Variants in DYM observed in about 807,000 individuals in gnomAD.
DYM encodes dyggve-Melchior-Clausen syndrome protein.
Under a neutral mutation model 93.1 loss-of-function variants are expected in DYM, and 78 were observed. The ratio of observed to expected loss-of-function variants is 0.84; its 90% CI spans 0.70 to 1.01. DYM has a LOEUF of 1.01. Among genes scored for constraint, DYM ranks in the 50% least tolerant of loss-of-function variants. DYM has a pLI of 0.00. For synonymous variants in DYM, 321 were observed against 319.7 expected (o/e 1.00, Z -0.04); for missense variants, 789 against 845.0 (o/e 0.93, Z 0.82).
chr18:49,064,744 T>C (rs1306002770), intron 17 of DYM, among the ~76,000 whole-genome samples: 1 of 152,102 alleles, frequency 6.6e-6, no homozygotes, highest in African/African-American at 2.4e-5. Flanking sequence ...AATACGTATA[T>C]ATTTTTCCTT....
chr18:49,080,425 C>G (rs867347800), intron 17 of DYM, among the ~76,000 whole-genome samples: 18 of 104,764 alleles, frequency 1.7e-4, no homozygotes, highest in South Asian at 3.6e-4. Context: ...GTGGCTGGCC[C>G]GGCAGAGGGG....
intron 13 of DYM, among the ~76,000 whole-genome samples, chr18:49,213,742 C>T (rs2092901870): frequency 6.6e-6 from 1 of 152,134 alleles, no homozygotes; most frequent in African/African-American, 2.4e-5. Context: ...CCTTCTTCTT[C>T]CCTCCTCTCC....
At chr18:49,145,887 T>C (rs765302822) in intron 15 of DYM, among the ~76,000 whole-genome samples, 4 of 152,084 alleles carry the variant, frequency 2.6e-5, no homozygotes, top group African/African-American at 4.8e-5. Flanking sequence ...CTTTTTATAT[T>C]TTAGTTTTTA....
intron 14 of DYM, among the ~76,000 whole-genome samples, chr18:49,169,239 G>T (rs866505988): frequency 2.0e-5 from 3 of 152,220 alleles, no homozygotes; most frequent in Non-Finnish European, 2.9e-5. Flanking sequence ...CACAGGTGAG[G>T]ACTGCTCAAC....
Position 49,249,381 on chromosome 18 carries a change from ATGTG to A in DYM, c.1460+7625_1460+7628del, listed in dbSNP as rs897320818. Among the ~76,000 whole-genome samples, 15 of 152,056 alleles carry A rather than the reference ATGTG, an allele frequency of 9.9e-5. 1 individual carries two copies. The South Asian group carries it at 1.9e-3, about 19-fold the overall frequency. ...ATGTTATTACATATTTGAATTGTGC[ATGTG>A]TGTGTGTGTAATATAAATTCATCCC... On this transcript the variant is annotated intron_variant, in intron 13 of 17. Transcript: ENST00000675505.
At chr18:49,093,789 C>T (rs755258959) in intron 17 of DYM, among the ~76,000 whole-genome samples, 10 of 151,956 alleles carry the variant, frequency 6.6e-5, no homozygotes, top group South Asian at 2.1e-4. Context: ...GACAAAGAAA[C>T]GAAAGATGCT....
At chr18:49,183,983 C>T (rs1206920879) in intron 14 of DYM, among the ~76,000 whole-genome samples, 6 of 152,146 alleles carry the variant, frequency 3.9e-5, no homozygotes, top group Non-Finnish European at 7.4e-5. Flanking sequence ...GGGCCCTCAC[C>T]AGACCCCACT....
intron 17 of DYM, among the ~76,000 whole-genome samples, chr18:49,064,385 G>A (rs1230446348): frequency 2.0e-5 from 3 of 152,126 alleles, no homozygotes; most frequent in African/African-American, 7.2e-5. Flanking sequence ...GAAGTCATTT[G>A]TCACTTATAA....
intron 2 of DYM, among the ~76,000 whole-genome samples, chr18:49,419,927 T>G (rs1332538761): frequency 6.6e-6 from 1 of 152,202 alleles, no homozygotes. Context: ...CGCCCTCTTT[T>G]CCTCTAAGTC....
At chr18:49,271,495 T>C (rs944565510) in intron 11 of DYM, among the ~76,000 whole-genome samples, 1 of 152,104 alleles carries the variant, frequency 6.6e-6, no homozygotes, top group Non-Finnish European at 1.5e-5. Context: ...TGTCTGCAAC[T>C]GAAAAATCAA....
intron 1 of DYM, among the ~76,000 whole-genome samples, chr18:49,441,275 AT>A (rs1158829198): frequency 6.5e-5 from 2 of 30,716 alleles, no homozygotes; most frequent in East Asian, 1.5e-3. Flanking sequence ...TATAATATAT[AT>A]TATATAATTA....
intron 10 of DYM, among the ~76,000 whole-genome samples, chr18:49,281,167 G>A (rs1003744624): frequency 6.6e-6 from 1 of 152,200 alleles, no homozygotes; most frequent in African/African-American, 2.4e-5. Context: ...CTTCTCAAAA[G>A]AAGACATTTA....
At chr18:49,392,664 T>C (rs182155940) in intron 2 of DYM, among the ~76,000 whole-genome samples, 125 of 120,446 alleles carry the variant, frequency 1.0e-3, no homozygotes, top group African/African-American at 3.7e-3. Flanking sequence ...TCCACACCCA[T>C]TGGGATGGCT....
intron 1 of DYM, among the ~76,000 whole-genome samples, chr18:49,457,678 C>T (rs1192437717): frequency 6.6e-6 from 1 of 152,136 alleles, no homozygotes; most frequent in Non-Finnish European, 1.5e-5. Flanking sequence ...ATAATAGCCT[C>T]CAAAGATGTC....
chr18:49,359,412 T>C (rs12458995), intron 6 of DYM, among the ~76,000 whole-genome samples: 17,741 of 152,188 alleles, frequency 0.12, 1,269 homozygotes, highest in East Asian at 0.31. Context: ...TGAATTAATA[T>C]TTTATCAAGA....
intron 10 of DYM, among the ~76,000 whole-genome samples, chr18:49,274,229 C>T (rs546405280): frequency 8.5e-5 from 13 of 152,178 alleles, no homozygotes; most frequent in South Asian, 4.1e-4. Flanking sequence ...TCTGGACTTC[C>T]GTATGAATAG....
chr18:49,160,326 T>C (rs1414579369), intron 15 of DYM, among the ~76,000 whole-genome samples: 3 of 152,186 alleles, frequency 2.0e-5, no homozygotes, highest in African/African-American at 7.2e-5. Context: ...TGCACTAAAG[T>C]ACTAATACTA....
intron 17 of DYM, among the ~76,000 whole-genome samples, chr18:49,082,559 ATTAAC>A (rs1480833813): frequency 2.0e-5 from 3 of 152,264 alleles, no homozygotes; most frequent in East Asian, 1.9e-4. Context: ...AAACACAACA[ATTAAC>A]TTAAAAATGA....
At chr18:49,303,222 T>C (rs1599270521) in intron 8 of DYM, among the ~76,000 whole-genome samples, 1 of 152,226 alleles carries the variant, frequency 6.6e-6, no homozygotes, top group East Asian at 1.9e-4. Flanking sequence ...ACAATCTCTC[T>C]TAGGCATTTT....
Sources: gnomAD v4.1 joint callset for allele counts (sites outside exome capture counted in the v4.1 genomes callset) on GRCh38, gnomAD v4.1.1 for gene constraint, MANE v1.5 for transcripts, NCBI Gene and HGNC (gene_info 2026-07-23, HGNC 2026-07-21) for gene names.